The following ZC3H12B variants were observed in gnomAD, a reference collection of about 807,000 sequenced individuals.
ZC3H12B encodes probable ribonuclease ZC3H12B.
ZC3H12B carries 7 observed loss-of-function variants against 43.9 expected under a neutral mutation model. That is an observed-to-expected ratio of 0.16 (90% CI 0.09 to 0.30). ZC3H12B has a LOEUF of 0.30. Ranked by LOEUF, ZC3H12B falls within the 10% of genes least tolerant of loss-of-function variation. ZC3H12B has a pLI of 1.00. For synonymous variants in ZC3H12B, 222 were observed against 241.7 expected (o/e 0.92, Z 0.76); for missense variants, 475 against 670.2 (o/e 0.71, Z 3.22).
chrX:65,213,310 G>A, the ZC3H12B span, among the ~76,000 whole-genome samples: 9 of 109,923 alleles, frequency 8.2e-5, no homozygotes, highest in African/African-American at 2.6e-4. Context: ...TTAGTGATGG[G>A]CACCTAATTT....
At chrX:65,037,694 A>C in the ZC3H12B span, among the ~76,000 whole-genome samples, 1 of 111,165 alleles carries the variant, frequency 9.0e-6, no homozygotes, top group African/African-American at 3.3e-5. Context: ...TTCATACAAC[A>C]CTGGTCTGAT....
intron 3 of ZC3H12B, among the ~76,000 whole-genome samples, chrX:65,415,809 A>T (rs1409815990): frequency 8.9e-6 from 1 of 112,243 alleles, no homozygotes; most frequent in Non-Finnish European, 1.9e-5. Flanking sequence ...ATGTACTTCA[A>T]TGTATTACTG....
chrX:65,381,706 G>A (rs751239678), intron 2 of ZC3H12B, among the ~76,000 whole-genome samples: 115 of 111,745 alleles, frequency 1.0e-3, no homozygotes, highest in Non-Finnish European at 1.8e-3. Flanking sequence ...TAGACTGCTA[G>A]CAAGACTAAA....
the ZC3H12B span, among the ~76,000 whole-genome samples, chrX:65,071,773 T>C: frequency 8.9e-6 from 1 of 112,113 alleles, no homozygotes; most frequent in Non-Finnish European, 1.9e-5. Flanking sequence ...ATGTGGAATA[T>C]TGGCTCCCAA....
chrX:65,187,908 T>A, the ZC3H12B span, among the ~76,000 whole-genome samples: 17 of 111,463 alleles, frequency 1.5e-4, no homozygotes, highest in Non-Finnish European at 3.0e-4. Flanking sequence ...TCATTTTATC[T>A]AATTATAATT....
the ZC3H12B span, among the ~76,000 whole-genome samples, chrX:65,278,368 C>G: frequency 5.4e-5 from 6 of 111,510 alleles, no homozygotes; most frequent in Middle Eastern, 0.014. Flanking sequence ...GAGTAACCCA[C>G]AGTTCCGGGA....
chrX:65,181,549 A>T, the ZC3H12B span, among the ~76,000 whole-genome samples: 2 of 111,902 alleles, frequency 1.8e-5, no homozygotes, highest in Non-Finnish European at 3.8e-5. Flanking sequence ...ATAGTAAACA[A>T]ATTTACAAGA....
At chrX:65,078,104 A>G in the ZC3H12B span, among the ~76,000 whole-genome samples, 1 of 112,030 alleles carries the variant, frequency 8.9e-6, no homozygotes, top group East Asian at 2.8e-4. Flanking sequence ...ATCCTAAGCA[A>G]TAAAGTTAGT....
chrX:65,420,012 C>A (rs1463387123), intron 3 of ZC3H12B, among the ~76,000 whole-genome samples: 1 of 111,669 alleles, frequency 9.0e-6, no homozygotes, highest in African/African-American at 3.3e-5. Context: ...CCATGTGGAC[C>A]AAGGCTCCAG....
chrX:65,168,184 G>C, the ZC3H12B span, among the ~76,000 whole-genome samples: 1 of 111,480 alleles, frequency 9.0e-6, no homozygotes, highest in African/African-American at 3.3e-5. Context: ...GTCATAAATA[G>C]CTCTCATTAT....
the ZC3H12B span, among the ~76,000 whole-genome samples, chrX:65,055,404 G>A: frequency 4.5e-5 from 5 of 111,846 alleles, no homozygotes; most frequent in African/African-American, 6.5e-5. Context: ...ATTTGCATAT[G>A]TTGAACCAGC....
In ZC3H12B at chrX:65,469,330, T is replaced by C. The variant is rs1228762759; in HGVS notation, n.408-19316T>C. 1.1e-5 allele frequency: 4 copies of C among 372,850 alleles called. No homozygotes were observed. In the East Asian group the frequency reaches 2.0e-4, roughly 19 times the overall value. 30.7% of individuals were successfully genotyped at this position (372,850 alleles called of 1,213,427 possible). ...AAGAACGAGGTCTTCATTGATGTTA[T>C]AGAGTCTGCCAACCTGCTGGTCAAT... On this transcript the variant is annotated intron_variant and non_coding_transcript_variant, in intron 3 of 5. Transcript: ENST00000617377.
chrX:65,414,823 G>A (rs941136279), intron 3 of ZC3H12B, among the ~76,000 whole-genome samples: 1 of 112,154 alleles, frequency 8.9e-6, no homozygotes, highest in African/African-American at 3.2e-5. Context: ...CTAGCTGTGT[G>A]ATCTTCAGCA....
the ZC3H12B span, among the ~76,000 whole-genome samples, chrX:65,293,488 G>T: frequency 1.8e-5 from 2 of 109,411 alleles, no homozygotes; most frequent in Non-Finnish European, 1.9e-5. Context: ...ACCAGCAATG[G>T]ATCCAAACCA....
At chrX:65,262,356 G>T in the ZC3H12B span, among the ~76,000 whole-genome samples, 1 of 110,643 alleles carries the variant, frequency 9.0e-6, no homozygotes, top group African/African-American at 3.3e-5. Context: ...GTCTTCTGAG[G>T]AATCATTCAT....
chrX:65,212,505 T>C, the ZC3H12B span, among the ~76,000 whole-genome samples: 3 of 69,837 alleles, frequency 4.3e-5, no homozygotes, highest in African/African-American at 5.9e-5. Flanking sequence ...ATATACATAT[T>C]ATATACAATA....
chrX:65,076,245 C>G, the ZC3H12B span, among the ~76,000 whole-genome samples: 1 of 109,268 alleles, frequency 9.2e-6, no homozygotes, highest in Non-Finnish European at 1.9e-5. Flanking sequence ...GCCTTGAACT[C>G]CTGGGCTCAA....
chrX:65,193,698 G>A, the ZC3H12B span, among the ~76,000 whole-genome samples: 6 of 111,213 alleles, frequency 5.4e-5, no homozygotes, highest in South Asian at 2.2e-3. Flanking sequence ...TGCTTTTCTA[G>A]TTTTTTAAGA....
At chrX:65,080,325 TAAC>T in the ZC3H12B span, among the ~76,000 whole-genome samples, 1 of 108,608 alleles carries the variant, frequency 9.2e-6, no homozygotes, top group East Asian at 2.9e-4. Flanking sequence ...AAAAAGATAA[TAAC>T]AGAGAAGTCT....
Sources: gnomAD v4.1 joint callset for allele counts (sites outside exome capture counted in the v4.1 genomes callset) on GRCh38, gnomAD v4.1.1 for gene constraint, MANE v1.5 for transcripts, NCBI Gene and HGNC (gene_info 2026-07-23, HGNC 2026-07-21) for gene names.